The following PCBP2 variants were observed in gnomAD, a reference collection of about 807,000 sequenced individuals.
PCBP2 encodes poly(rC)-binding protein 2.
PCBP2 carries 4 observed loss-of-function variants against 50.1 expected under a neutral mutation model. The observed-to-expected ratio is 0.08, with a 90% CI of 0.04 to 0.18. PCBP2 has a LOEUF of 0.18. Ranked by LOEUF, PCBP2 falls within the 10% of genes least tolerant of loss-of-function variation. The probability of loss-of-function intolerance (pLI) is 1.00; values close to 1 mark genes in which losing one functional copy is unlikely to be tolerated. For missense variants in PCBP2, 161 were observed against 474.3 expected (o/e 0.34, Z 6.14); for synonymous variants, 179 against 168.0 (o/e 1.07, Z -0.51).
At position 53,479,672 on chromosome 12, in the gene PCBP2, T is replaced by TTTTTTTTTTTTTTTGGG. The variant is rs1555209672; in HGVS notation, c.*241_*242insTTTGGGTTTTTTTTTTT. On this transcript the variant is annotated 3_prime_UTR_variant, in exon 15 of 15. Coordinates refer to ENST00000546463, the MANE Select transcript of PCBP2 (RefSeq NM_031989.5). ...TTTAGTTTTATAAGCTTCTCCCTGG[T>TTTTTTTTTTTTTTTGGG]TTTTTTTTTTTGGCTCATGAATTTT... 5.6e-5 allele frequency: 16 copies of TTTTTTTTTTTTTTTGGG among 286,940 alleles called. No homozygotes were observed. The Admixed American group carries it at 6.9e-4, about 12-fold the overall frequency. 17.8% of individuals were successfully genotyped at this position (286,940 alleles called of 1,614,324 possible).
At chr12:53,456,990 C>CA (rs1193725632) in intron 5 of PCBP2, among the ~76,000 whole-genome samples, 3 of 152,192 alleles carry the variant, frequency 2.0e-5, no homozygotes, top group African/African-American at 4.8e-5. Context: ...GCTTAGAAAA[C>CA]ACGTTTTATT....
At chr12:53,464,647 C>G in intron 8 of PCBP2, 113 bp from the exon 9 acceptor site, 2 of 1,447,530 alleles carry the variant, frequency 1.4e-6, no homozygotes, top group Non-Finnish European at 1.8e-6. Context: ...GTCTGAGCTC[C>G]TTTTTAAAGG....
intron 14 of PCBP2, among the ~76,000 whole-genome samples, chr12:53,478,945 T>G (rs1486355589): frequency 6.6e-6 from 1 of 152,104 alleles, no homozygotes; most frequent in Non-Finnish European, 1.5e-5. Flanking sequence ...GGCTTTAAAG[T>G]AAAGGCCTTG....
intron 14 of PCBP2, among the ~76,000 whole-genome samples, chr12:53,472,643 G>T (rs939564285): frequency 2.0e-5 from 3 of 152,136 alleles, no homozygotes; most frequent in African/African-American, 7.2e-5. Context: ...TTTCTTATAA[G>T]TGTTTAATCT....
chr12:53,472,425 C>T (rs939530591), intron 14 of PCBP2, among the ~76,000 whole-genome samples: 6 of 152,170 alleles, frequency 3.9e-5, no homozygotes, highest in Non-Finnish European at 8.8e-5. Flanking sequence ...TTTTATTTCC[C>T]TTATCCATAG....
At chr12:53,458,292 T>TTTTTGA (rs1941193879) in intron 5 of PCBP2, among the ~76,000 whole-genome samples, 1 of 111,108 alleles carries the variant, frequency 9.0e-6, no homozygotes, top group African/African-American at 2.7e-5. Context: ...ATATCTTTCG[T>TTTTTGA]TTTTGTTTTT....
At chr12:53,471,874 A>G (rs1942259762) in intron 14 of PCBP2, 67 bp downstream of exon 14, 2 of 1,408,582 alleles carry the variant, frequency 1.4e-6, no homozygotes, top group Non-Finnish European at 1.9e-6. Flanking sequence ...GGAGAGCTGC[A>G]GTGTATTAAA....
rs1203071583 is a variant in PCBP2, at chr12:53,479,674, T to TTTTTTTTTTTTTTGTTTG, written c.*241_*242insTTTTGTTTGTTTTTTTTT. ...TAGTTTTATAAGCTTCTCCCTGGTT[T>TTTTTTTTTTTTTTGTTTG]TTTTTTTTTGGCTCATGAATTTTTC... On this transcript the variant is annotated 3_prime_UTR_variant, in exon 15 of 15. Transcript: ENST00000546463. The TTTTTTTTTTTTTTGTTTG allele has an allele frequency of 5.2e-6, 2 of 385,450 alleles. No individual in the cohort carries two copies. The highest frequency in any genetic ancestry group is 2.1e-5 in the African/African-American group (1 of 48,072). 23.9% of individuals were successfully genotyped at this position (385,450 alleles called of 1,614,324 possible).
chr12:53,456,435 G>GC (rs1187589474), intron 5 of PCBP2, among the ~76,000 whole-genome samples: 2 of 151,500 alleles, frequency 1.3e-5, no homozygotes, highest in African/African-American at 4.9e-5. Flanking sequence ...TCCAGCCTGG[G>GC]CAACAGAGTG....
At chr12:53,462,847 G>T (rs939645706) in intron 8 of PCBP2, among the ~76,000 whole-genome samples, 1 of 152,096 alleles carries the variant, frequency 6.6e-6, no homozygotes, top group East Asian at 1.9e-4. Flanking sequence ...TTCTCTCCCT[G>T]TCCCCACCCC....
intron 14 of PCBP2, among the ~76,000 whole-genome samples, chr12:53,472,996 T>G (rs768447677): frequency 1.6e-4 from 24 of 152,168 alleles, no homozygotes; most frequent in Non-Finnish European, 2.9e-4. Context: ...TTTTTAGAGA[T>G]AGGGTTTCAT....
intron 5 of PCBP2, among the ~76,000 whole-genome samples, 174 bp from the exon 6 acceptor site, chr12:53,459,098 C>T (rs953610603): frequency 1.3e-5 from 2 of 152,042 alleles, no homozygotes; most frequent in African/African-American, 4.8e-5. Flanking sequence ...GAGCTTTTAT[C>T]TTTACATCAA....
rs1225357796 is a variant in PCBP2 at position 53,452,148 on chromosome 12, T to A, written c.-304T>A. On this transcript the variant is annotated 5_prime_UTR_variant, in exon 1 of 15. Coordinates refer to ENST00000546463, the MANE Select transcript of PCBP2 (RefSeq NM_031989.5). ...GCCGGAGCAGCCGCAGCCTGCGCCC[T>A]CTCCCGCCCGCCCGCCCTCCGCCCG... is the stretch of plus-strand genomic sequence containing the variant. 2 of 82,180 alleles carry A rather than the reference T, an allele frequency of 2.4e-5. No homozygotes were observed. The highest frequency in any genetic ancestry group is 1.0e-4 in the African/African-American group (2 of 19,888). The allele number at this position is 82,180 out of a possible 1,614,324, so 5.1% of individuals were successfully genotyped here.
intron 13 of PCBP2, among the ~76,000 whole-genome samples, chr12:53,470,081 T>C (rs1206142320): frequency 6.6e-6 from 1 of 151,906 alleles, no homozygotes; most frequent in Non-Finnish European, 1.5e-5. Flanking sequence ...AAGCCTTATC[T>C]TTAGAAGATG....
At chr12:53,471,928 T>G (rs1942264140) in intron 14 of PCBP2, 121 bp downstream of exon 14, 2 of 803,040 alleles carry the variant, frequency 2.5e-6, no homozygotes, top group Admixed American at 3.7e-5. Context: ...CAAAAGGTTT[T>G]TTTTTTTTTT....
At chr12:53,464,589 A>C in intron 8 of PCBP2, 171 bp from the exon 9 acceptor site, 3 of 836,006 alleles carry the variant, frequency 3.6e-6, no homozygotes. Flanking sequence ...ATCTGCCACT[A>C]GGTAACTTTT....
intron 5 of PCBP2, 105 bp from the exon 6 acceptor site, chr12:53,459,167 G>C (rs541439636): frequency 1.1e-6 from 1 of 897,344 alleles, no homozygotes; most frequent in Admixed American, 2.7e-5. Flanking sequence ...TTATGACCTC[G>C]CATGTCCTAA....
chr12:53,461,918 A>G (rs886800696), intron 7 of PCBP2, among the ~76,000 whole-genome samples: 22 of 152,084 alleles, frequency 1.4e-4, no homozygotes, highest in Non-Finnish European at 2.9e-4. Flanking sequence ...CATGTTGCCC[A>G]GGCTGGTCTT....
intron 14 of PCBP2, among the ~76,000 whole-genome samples, chr12:53,473,441 C>T (rs913490066): frequency 6.6e-6 from 1 of 152,176 alleles, no homozygotes; most frequent in Non-Finnish European, 1.5e-5. Context: ...TTTTCAGTGG[C>T]AAGAATCAGG....
Sources: allele counts gnomAD v4.1 joint callset (sites outside exome capture counted in the v4.1 genomes callset), GRCh38; gene constraint gnomAD v4.1.1; transcripts MANE v1.5; gene names NCBI Gene and HGNC (gene_info 2026-07-23, HGNC 2026-07-21).